Variants in SASH1 observed in about 807,000 individuals in gnomAD.
The protein encoded by SASH1 is SAM and SH3 domain containing 1.
SASH1 carries 44 observed loss-of-function variants against 125.2 expected under a neutral mutation model. The ratio of observed to expected loss-of-function variants is 0.35; its 90% CI spans 0.28 to 0.45. The LOEUF is 0.45. SASH1 is among the 20% of genes least tolerant of loss of function. The probability of loss-of-function intolerance (pLI) is 1.00; values close to 1 mark genes in which losing one functional copy is unlikely to be tolerated. For missense variants in SASH1, 1,426 were observed against 1,614.5 expected (o/e 0.88, Z 2.00); for synonymous variants, 639 against 649.1 (o/e 0.98, Z 0.24).
intron 4 of SASH1, among the ~76,000 whole-genome samples, chr6:148,453,819 C>T (rs553348338): frequency 6.6e-6 from 1 of 152,296 alleles, no homozygotes; most frequent in Admixed American, 6.5e-5. Context: ...GTGAACCCCG[C>T]TTGGGGGATA....
rs758969530 is a variant in SASH1 at position 148,534,917 on chromosome 6, C to T, written c.2095+16C>T. 1 of 1,613,686 alleles carries T rather than the reference C, an allele frequency of 6.2e-7. No individual in the cohort carries two copies. Among genetic ancestry groups the T allele is most frequent in the South Asian group, 1.1e-5 (1 of 91,070 alleles). ...GAGTATGACAGTAAGTCCCTGTATG[C>T]ACAGAGGTGTTCCCTGTGAGGTCTG... On this transcript the variant is annotated intron_variant, in intron 16 of 19. Coordinates refer to ENST00000367467, the MANE Select transcript of SASH1 (RefSeq NM_015278.5).
chr6:148,455,394 G>A (rs1036246232), intron 4 of SASH1, among the ~76,000 whole-genome samples: 3 of 152,180 alleles, frequency 2.0e-5, no homozygotes, highest in Non-Finnish European at 4.4e-5. Context: ...GCTGATGTGG[G>A]TAGAGGTCAT....
upstream of SASH1, among the ~76,000 whole-genome samples, chr6:148,341,100 A>T (rs1229744382): frequency 6.6e-6 from 1 of 152,156 alleles, no homozygotes; most frequent in Non-Finnish European, 1.5e-5. Context: ...GCAGCACTGC[A>T]CTGCCGGGGT....
chr6:148,484,598 G>A (rs1285615820), intron 7 of SASH1, among the ~76,000 whole-genome samples: 1 of 150,960 alleles, frequency 6.6e-6, no homozygotes, highest in East Asian at 1.9e-4. Flanking sequence ...AAAATAGAGA[G>A]CTTGTTTTGT....
At chr6:148,524,097 TTA>T (rs371819726) in intron 10 of SASH1, among the ~76,000 whole-genome samples, 24 of 79,550 alleles carry the variant, frequency 3.0e-4, no homozygotes, top group South Asian at 1.1e-3. Context: ...ATTCAGTTAA[TTA>T]TATATATATA....
chr6:148,451,437 C>A (rs559017047), intron 4 of SASH1, among the ~76,000 whole-genome samples: 1 of 152,156 alleles, frequency 6.6e-6, no homozygotes, highest in African/African-American at 2.4e-5. Context: ...CTAAGGGTTG[C>A]CCCCCTTTTC....
chr6:148,450,654 G>T (rs1311739616), intron 4 of SASH1, among the ~76,000 whole-genome samples: 1 of 149,456 alleles, frequency 6.7e-6, no homozygotes, highest in Non-Finnish European at 1.5e-5. Flanking sequence ...TGATGTCTAT[G>T]TACTGGGTAC....
intron 8 of SASH1, among the ~76,000 whole-genome samples, chr6:148,492,868 AT>A (rs1409790373): frequency 6.7e-6 from 1 of 148,220 alleles, no homozygotes; most frequent in East Asian, 1.9e-4. Context: ...AAATAAATAA[AT>A]AAATAAAATC....
At chr6:148,319,084 G>C (rs1338003700) in intron 1 of SASH1, among the ~76,000 whole-genome samples, 2 of 129,684 alleles carry the variant, frequency 1.5e-5, no homozygotes, top group African/African-American at 2.9e-5. Context: ...CCAGGCTGGA[G>C]TGCAGTGGCG....
At chr6:148,215,481 A>G in the SASH1 span, among the ~76,000 whole-genome samples, 7 of 152,128 alleles carry the variant, frequency 4.6e-5, no homozygotes, top group Non-Finnish European at 1.0e-4. Context: ...AGCTCAACAA[A>G]AGCTAACACT....
the SASH1 span, among the ~76,000 whole-genome samples, chr6:148,263,454 A>G: frequency 6.6e-6 from 1 of 152,224 alleles, no homozygotes; most frequent in Non-Finnish European, 1.5e-5. Flanking sequence ...CAGAAAGCAC[A>G]TCTGTGCCTC....
At chr6:148,481,364 T>C (rs1237972861) in intron 7 of SASH1, among the ~76,000 whole-genome samples, 1 of 152,158 alleles carries the variant, frequency 6.6e-6, no homozygotes, top group Non-Finnish European at 1.5e-5. Flanking sequence ...ATCATTTGTG[T>C]GTCCAGTGGA....
At chr6:148,525,530 T>G (rs1366362943) in intron 11 of SASH1, among the ~76,000 whole-genome samples, 165 bp downstream of exon 11, 1 of 152,216 alleles carries the variant, frequency 6.6e-6, no homozygotes, top group Non-Finnish European at 1.5e-5. Context: ...CAGACTCCAC[T>G]GTTCCACGTG....
At chr6:148,257,976 A>G in the SASH1 span, among the ~76,000 whole-genome samples, 11 of 152,188 alleles carry the variant, frequency 7.2e-5, no homozygotes, top group Non-Finnish European at 1.5e-4. Context: ...ATCCTGGAAG[A>G]TGGGAATTGT....
intron 2 of SASH1, among the ~76,000 whole-genome samples, chr6:148,422,478 CT>C (rs1285309352): frequency 2.0e-5 from 3 of 152,170 alleles, no homozygotes; most frequent in Non-Finnish European, 4.4e-5. Flanking sequence ...AGCTGCTGTT[CT>C]GAACAGCGAG....
intron 19 of SASH1, 57 bp downstream of exon 19, chr6:148,546,203 G>C: frequency 1.3e-6 from 2 of 1,578,212 alleles, no homozygotes; most frequent in Non-Finnish European, 1.7e-6. Flanking sequence ...CACGCTTAGT[G>C]ATGACCATAC....
chr6:148,546,864 G>T (rs549141426), intron 19 of SASH1, among the ~76,000 whole-genome samples: 1 of 151,680 alleles, frequency 6.6e-6, no homozygotes. Flanking sequence ...ATCAGATCAT[G>T]AATCTGTTTC....
chr6:148,502,923 G>A (rs1205723400), intron 8 of SASH1, among the ~76,000 whole-genome samples: 2 of 152,160 alleles, frequency 1.3e-5, no homozygotes, highest in Non-Finnish European at 1.5e-5. Context: ...ATATCTCTGT[G>A]TTTTTCTCTT....
chr6:148,405,910 T>G (rs1399560230), intron 2 of SASH1, among the ~76,000 whole-genome samples: 1 of 152,216 alleles, frequency 6.6e-6, no homozygotes, highest in Non-Finnish European at 1.5e-5. Context: ...AAAGTGCAAC[T>G]TGTTACTTAG....
Sources: allele counts gnomAD v4.1 joint callset (sites outside exome capture counted in the v4.1 genomes callset), GRCh38; gene constraint gnomAD v4.1.1; transcripts MANE v1.5; gene names NCBI Gene and HGNC (gene_info 2026-07-23, HGNC 2026-07-21).